Variants in LRRTM4 observed in about 807,000 individuals in gnomAD.
The protein encoded by LRRTM4 is leucine rich repeat transmembrane neuronal 4.
LRRTM4 carries 25 observed loss-of-function variants against 47.6 expected under a neutral mutation model. That is an observed-to-expected ratio of 0.53 (90% CI 0.38 to 0.73). The LOEUF (loss-of-function observed/expected upper bound fraction) is 0.73. LRRTM4 is among the 30% of genes least tolerant of loss of function. LRRTM4 has a pLI of 0.00. For missense variants in LRRTM4, 638 were observed against 713.4 expected, an observed-to-expected ratio of 0.89 and a Z score of 1.20; for synonymous variants, 311 against 269.5, an observed-to-expected ratio of 1.15 and a Z score of -1.51.
In LRRTM4 at chr2:77,309,681, TGATAGATAGATAGATA is replaced by T. The variant is rs3084674; in HGVS notation, c.1551+208621_1551+208636del. Among the ~76,000 whole-genome samples the T allele has an allele frequency of 9.1e-3, 1,338 of 147,314 alleles. 13 individuals are homozygous for T. The highest frequency in any genetic ancestry group is 0.029 in the African/African-American group (1,172 of 39,808). On this transcript the variant is annotated intron_variant, in intron 3 of 3. Coordinates refer to ENST00000409884, the MANE Select transcript of LRRTM4 (RefSeq NM_001134745.3). ...CCAGAAGTTTAGATAGATAGACAGA[TGATAGATAGATAGATA>T]GATAGATAGATAGATAGATAGATAG...
At chr2:77,389,771 C>A (rs902437345) in intron 3 of LRRTM4, among the ~76,000 whole-genome samples, 1 of 152,022 alleles carries the variant, frequency 6.6e-6, no homozygotes, top group Non-Finnish European at 1.5e-5. Flanking sequence ...ATATAATAGC[C>A]AACCTCCCTT....
chr2:77,083,321 G>C (rs1032444980), intron 3 of LRRTM4, among the ~76,000 whole-genome samples: 1 of 152,146 alleles, frequency 6.6e-6, no homozygotes, highest in East Asian at 1.9e-4. Flanking sequence ...TAGGGGTCCT[G>C]AGGAGTGCTG....
intron 3 of LRRTM4, among the ~76,000 whole-genome samples, chr2:77,222,612 A>C (rs1442564305): frequency 6.6e-6 from 1 of 152,220 alleles, no homozygotes; most frequent in African/African-American, 2.4e-5. Flanking sequence ...TCTAGAAGAA[A>C]TGGATAAATT....
chr2:77,182,683 C>T (rs1037073947), intron 3 of LRRTM4, among the ~76,000 whole-genome samples: 13 of 152,108 alleles, frequency 8.5e-5, no homozygotes, highest in Non-Finnish European at 1.6e-4. Context: ...TGCCTGATTG[C>T]CCTGGCCAGA....
chr2:77,105,260 A>C (rs1671064404), intron 3 of LRRTM4, among the ~76,000 whole-genome samples: 2 of 152,140 alleles, frequency 1.3e-5, no homozygotes, highest in Admixed American at 1.3e-4. Flanking sequence ...ATTTAAAAAG[A>C]AATTATTTTG....
intron 3 of LRRTM4, among the ~76,000 whole-genome samples, chr2:76,856,631 T>G (rs1455124902): frequency 6.6e-6 from 1 of 152,184 alleles, no homozygotes; most frequent in Non-Finnish European, 1.5e-5. Context: ...AACTGATATT[T>G]GTTAATGGTT....
chr2:77,158,636 T>C (rs903027187), intron 3 of LRRTM4, among the ~76,000 whole-genome samples: 1 of 152,158 alleles, frequency 6.6e-6, no homozygotes, highest in Non-Finnish European at 1.5e-5. Flanking sequence ...AATTTTGCTA[T>C]TAAGACAAGC....
At chr2:77,094,447 C>T (rs940792304) in intron 3 of LRRTM4, among the ~76,000 whole-genome samples, 6 of 151,738 alleles carry the variant, frequency 4.0e-5, no homozygotes, top group Non-Finnish European at 7.4e-5. Context: ...TTGTATGGAA[C>T]CAGGAAAGAC....
At chr2:77,008,176 C>G (rs1677730804) in intron 3 of LRRTM4, among the ~76,000 whole-genome samples, 1 of 152,148 alleles carries the variant, frequency 6.6e-6, no homozygotes, top group Non-Finnish European at 1.5e-5. Context: ...GTGGTATTAG[C>G]ATATATTATT....
chr2:77,049,791 T>A (rs528221534), intron 3 of LRRTM4, among the ~76,000 whole-genome samples: 1 of 152,236 alleles, frequency 6.6e-6, no homozygotes, highest in African/African-American at 2.4e-5. Context: ...GCTGTTTAGT[T>A]TGATATAATC....
At chr2:76,975,134 G>A (rs1676375138) in intron 3 of LRRTM4, among the ~76,000 whole-genome samples, 1 of 151,426 alleles carries the variant, frequency 6.6e-6, no homozygotes, top group South Asian at 2.1e-4. Flanking sequence ...ATTACCACTG[G>A]GTCTATTTAT....
chr2:77,513,424 A>G (rs1342550007), intron 3 of LRRTM4, among the ~76,000 whole-genome samples: 10 of 152,154 alleles, frequency 6.6e-5, no homozygotes, highest in Admixed American at 6.6e-4. Flanking sequence ...CTCGTTTGAG[A>G]GATGCGTCAC....
At position 77,521,829 on chromosome 2, in the gene LRRTM4, A is replaced by G. The variant is rs1679516626; in HGVS notation, c.-147-11T>C. On this transcript the variant is annotated splice_polypyrimidine_tract_variant and intron_variant, in intron 1 of 3. Coordinates refer to ENST00000409884, the MANE Select transcript of LRRTM4 (RefSeq NM_001134745.3). ...GTAGCCCCATACAAACTTCCCCGAG[A>G]GGACAGGCAAAAAAAAAAAAAAAAA... 1 of 448,422 alleles carries G rather than the reference A, an allele frequency of 2.2e-6. No homozygotes were observed. 27.8% of individuals were successfully genotyped at this position (448,422 alleles called of 1,614,324 possible).
intron 3 of LRRTM4, among the ~76,000 whole-genome samples, chr2:77,345,333 G>C (rs1240491235): frequency 6.6e-6 from 1 of 151,728 alleles, no homozygotes; most frequent in Non-Finnish European, 1.5e-5. Flanking sequence ...TATGCTCTGA[G>C]AAATGCAGGA....
At chr2:76,907,565 G>C (rs1673892018) in intron 3 of LRRTM4, among the ~76,000 whole-genome samples, 1 of 144,518 alleles carries the variant, frequency 6.9e-6, no homozygotes, top group South Asian at 2.3e-4. Context: ...CTGGTTTTTT[G>C]AAAGGATCAA....
chr2:77,504,709 G>A (rs1001218531), intron 3 of LRRTM4, among the ~76,000 whole-genome samples: 1 of 151,502 alleles, frequency 6.6e-6, no homozygotes, highest in Non-Finnish European at 1.5e-5. Context: ...GACTCAAGGA[G>A]CTGACATCCC....
chr2:77,476,661 G>A (rs1677400878), intron 3 of LRRTM4, among the ~76,000 whole-genome samples: 1 of 151,992 alleles, frequency 6.6e-6, no homozygotes, highest in Non-Finnish European at 1.5e-5. Flanking sequence ...ATGTTCTAAT[G>A]ACATATTTCA....
chr2:76,868,783 C>A (rs549060381), intron 3 of LRRTM4, among the ~76,000 whole-genome samples: 51 of 152,230 alleles, frequency 3.4e-4, no homozygotes, highest in African/African-American at 1.2e-3. Context: ...GATGAAAGAA[C>A]ATGAAGTCGA....
chr2:77,004,784 A>G (rs1311128609), intron 3 of LRRTM4, among the ~76,000 whole-genome samples: 2 of 152,184 alleles, frequency 1.3e-5, no homozygotes, highest in South Asian at 2.1e-4. Context: ...CTGCAACTGC[A>G]CAGGAGCGAA....
Sources: gnomAD v4.1 joint callset for allele counts (sites outside exome capture counted in the v4.1 genomes callset) on GRCh38, gnomAD v4.1.1 for gene constraint, MANE v1.5 for transcripts, NCBI Gene and HGNC (gene_info 2026-07-23, HGNC 2026-07-21) for gene names.